DCAF10: variants seen among roughly 807,000 people sequenced by gnomAD.
DCAF10 encodes DDB1- and CUL4-associated factor 10.
In DCAF10, 19 loss-of-function variants were observed where a neutral mutation model predicts 51.9. The ratio of observed to expected loss-of-function variants is 0.37; its 90% CI spans 0.26 to 0.54. The LOEUF (loss-of-function observed/expected upper bound fraction) is 0.54, where lower values mean the gene tolerates loss of function less well. DCAF10 is among the 20% of genes least tolerant of loss of function. The pLI, the probability that DCAF10 is intolerant of heterozygous loss-of-function variation, is 0.87. For synonymous variants in DCAF10, 291 were observed against 297.1 expected (o/e 0.98, Z 0.21); for missense variants, 510 against 730.6 (o/e 0.70, Z 3.48).
At chr9:37,809,604 C>T (rs1298383740) in intron 1 of DCAF10, among the ~76,000 whole-genome samples, 6 of 152,248 alleles carry the variant, frequency 3.9e-5, no homozygotes, top group South Asian at 2.1e-4. Flanking sequence ...GAGGCCGAGG[C>T]GGGTGGATCA....
chr9:37,849,735 T>C (rs1830577834), intron 3 of DCAF10, among the ~76,000 whole-genome samples: 1 of 151,906 alleles, frequency 6.6e-6, no homozygotes, highest in Non-Finnish European at 1.5e-5. Context: ...ACAAAAAAAT[T>C]AGCCAGGTGT....
intron 2 of DCAF10, among the ~76,000 whole-genome samples, chr9:37,821,577 A>C (rs1829701752): frequency 6.6e-6 from 1 of 152,228 alleles, no homozygotes; most frequent in South Asian, 2.1e-4. Flanking sequence ...TTGGCTAGCC[A>C]CATGTAGGAG....
upstream of DCAF10, chr9:37,800,701 C>T (rs1828890323): frequency 5.2e-6 from 8 of 1,535,744 alleles, no homozygotes; most frequent in East Asian, 7.3e-5. Context: ...CCAAACCCGG[C>T]GGTGTCTCAG....
At chr9:37,857,898 C>T (rs1002579327) in intron 5 of DCAF10, among the ~76,000 whole-genome samples, 1 of 152,110 alleles carries the variant, frequency 6.6e-6, no homozygotes. Context: ...TCCACCACAC[C>T]CCCCCAGTTG....
chr9:37,867,139 C>T lies in DCAF10; in HGVS notation c.*5631C>T, dbSNP rs1051597869. On this transcript the variant is annotated 3_prime_UTR_variant, in exon 7 of 7. Transcript: ENST00000377724. ...AAGGAAAATCTCAAAGTTACCATTA[C>T]GCTGCTCTCTTGTAAATGAACTAGG... is the stretch of plus-strand genomic sequence containing the variant. The T allele has an allele frequency of 5.9e-5, 9 of 152,014 alleles. No individual in the cohort carries two copies. Among genetic ancestry groups the T allele is most frequent in the African/African-American group, 1.7e-4 (7 of 41,382 alleles). The allele number at this position is 152,014 out of a possible 1,614,324, so 9.4% of individuals were successfully genotyped here. A position where few individuals can be genotyped will look rare whatever the true frequency, so the allele number is the denominator to read the frequency against.
In DCAF10 at chr9:37,813,936, AAAG is replaced by A. The variant is rs1829428399; in HGVS notation, c.540-5346_540-5344del. On this transcript the variant is annotated intron_variant, in intron 1 of 6. Coordinates refer to ENST00000377724, the MANE Select transcript of DCAF10 (RefSeq NM_024345.5). Reference sequence around the variant, plus strand: ...TAGATCCTTAAATGCAGATATTAGAAAAGAAGAAAGGCTGAATTGTCAATAAGC... The same window carrying A: ...TAGATCCTTAAATGCAGATATTAGAAAAGAAAGGCTGAATTGTCAATAAGC... Among the ~76,000 whole-genome samples the A allele has an allele frequency of 2.0e-5, 3 of 151,578 alleles. No individual in the cohort carries two copies. In the South Asian group the frequency reaches 6.2e-4, roughly 31 times the overall value.
chr9:37,819,943 T>C (rs971764996), intron 2 of DCAF10, among the ~76,000 whole-genome samples: 1 of 152,164 alleles, frequency 6.6e-6, no homozygotes, highest in Non-Finnish European at 1.5e-5. Context: ...CATAGCAACA[T>C]AGACAAATGC....
At chr9:37,852,919 AGTAT>A (rs1046757829) in intron 3 of DCAF10, among the ~76,000 whole-genome samples, 11 of 126,208 alleles carry the variant, frequency 8.7e-5, no homozygotes, top group Non-Finnish European at 1.8e-4. Flanking sequence ...ATAAATGTTA[AGTAT>A]GTGAGGTTAT....
chr9:37,833,782 A>G (rs1830069110), intron 2 of DCAF10, among the ~76,000 whole-genome samples: 1 of 152,224 alleles, frequency 6.6e-6, no homozygotes, highest in South Asian at 2.1e-4. Context: ...TTATTAAGCT[A>G]GACTGAGTTT....
At chr9:37,810,607 G>A (rs995946325) in intron 1 of DCAF10, among the ~76,000 whole-genome samples, 8 of 152,080 alleles carry the variant, frequency 5.3e-5, no homozygotes, top group African/African-American at 1.7e-4. Flanking sequence ...GATTATAGGC[G>A]CCTGCCACCA....
intron 2 of DCAF10, 76 bp from the exon 3 acceptor site, chr9:37,842,013 A>T: frequency 7.1e-7 from 1 of 1,401,874 alleles, no homozygotes; most frequent in Non-Finnish European, 9.7e-7. Flanking sequence ...TAGGTAATAT[A>T]GTGACTGTTT....
intron 4 of DCAF10, among the ~76,000 whole-genome samples, chr9:37,856,749 A>G (rs992718438): frequency 2.0e-5 from 3 of 152,114 alleles, no homozygotes; most frequent in African/African-American, 7.2e-5. Context: ...CCCAGGAATT[A>G]GGAGTCCAGC....
chr9:37,825,906 G>A (rs564024410), intron 2 of DCAF10, among the ~76,000 whole-genome samples: 13 of 152,004 alleles, frequency 8.6e-5, no homozygotes, highest in Admixed American at 1.3e-4. Context: ...TTGGTGGCGC[G>A]TGCCTGTAAT....
chr9:37,818,320 T>A (rs999657023), intron 1 of DCAF10, among the ~76,000 whole-genome samples: 1 of 152,172 alleles, frequency 6.6e-6, no homozygotes, highest in Non-Finnish European at 1.5e-5. Context: ...GGTTGTTTTT[T>A]AATCTCCCAC....
intron 2 of DCAF10, among the ~76,000 whole-genome samples, chr9:37,823,102 TA>T (rs979014651): frequency 1.3e-5 from 2 of 152,058 alleles, no homozygotes; most frequent in African/African-American, 4.8e-5. Context: ...ACAGAACACA[TA>T]AAAAAGGTTA....
At chr9:37,846,776 A>G (rs1453923406) in intron 3 of DCAF10, among the ~76,000 whole-genome samples, 1 of 152,024 alleles carries the variant, frequency 6.6e-6, no homozygotes, top group African/African-American at 2.4e-5. Context: ...ATTTAAAAAT[A>G]CTCCCACAGT....
At position 37,842,243 on chromosome 9, in the gene DCAF10, A is replaced by G; in HGVS notation, c.808A>G (p.Thr270Ala). ...EYDTNTRLLV[T>A]SGFDGNVIIW... ...TGATACTAATACAAGACTCTTAGTA[A>G]CATCAGGATTTGATGGAAATGTCAT... The change falls in exon 3 of 7, where the codon ACA becomes GCA. Residue 270 changes from threonine (T) to alanine (A), a missense_variant. Transcript: ENST00000377724. 1 of 1,613,882 alleles carries G rather than the reference A, an allele frequency of 6.2e-7. No homozygotes were observed. Among genetic ancestry groups the G allele is most frequent in the Non-Finnish European group, 8.5e-7 (1 of 1,179,894 alleles).
chr9:37,805,711 A>T (rs1443922886), intron 1 of DCAF10, among the ~76,000 whole-genome samples: 1 of 152,228 alleles, frequency 6.6e-6, no homozygotes, highest in Non-Finnish European at 1.5e-5. Flanking sequence ...TATAATAAAT[A>T]AAAAGCACAA....
At chr9:37,860,027 C>A in intron 5 of DCAF10, 21 bp from the exon 6 acceptor site, 1 of 1,613,424 alleles carries the variant, frequency 6.2e-7, no homozygotes, top group Non-Finnish European at 8.5e-7. Context: ...AATCCCACAT[C>A]CTCATTTTCT....
Sources: allele counts gnomAD v4.1 joint callset (sites outside exome capture counted in the v4.1 genomes callset), GRCh38; gene constraint gnomAD v4.1.1; transcripts MANE v1.5; gene names NCBI Gene and HGNC (gene_info 2026-07-23, HGNC 2026-07-21).